DNAH12: variants seen among roughly 807,000 people sequenced by gnomAD.
DNAH12 encodes dynein axonemal heavy chain 12.
In DNAH12, 285 loss-of-function variants were observed where a neutral mutation model predicts 371.5. That is an observed-to-expected ratio of 0.77 (90% CI 0.70 to 0.85). DNAH12 has a LOEUF of 0.85. Among genes scored for constraint, DNAH12 ranks in the 40% least tolerant of loss-of-function variants. The pLI, the probability that DNAH12 is intolerant of heterozygous loss-of-function variation, is 0.00. For synonymous variants in DNAH12, 1,200 were observed against 1,213.0 expected (o/e 0.99, Z 0.22); for missense variants, 3,611 against 3,689.4 (o/e 0.98, Z 0.55).
intron 29 of DNAH12, among the ~76,000 whole-genome samples, chr3:57,439,974 G>A (rs1378287365): frequency 6.6e-6 from 1 of 152,174 alleles, no homozygotes; most frequent in Admixed American, 6.6e-5. Context: ...AAAATACAAT[G>A]AGATACCATC....
chr3:57,311,524 G>A (rs1206000154), intron 66 of DNAH12, among the ~76,000 whole-genome samples: 1 of 152,216 alleles, frequency 6.6e-6, no homozygotes, highest in Non-Finnish European at 1.5e-5. Flanking sequence ...GATAAACCTT[G>A]TTTTATGGCA....
At chr3:57,470,393 A>G in intron 16 of DNAH12, 50 bp downstream of exon 16, 2 of 1,459,940 alleles carry the variant, frequency 1.4e-6, no homozygotes. Flanking sequence ...TATATTTTAC[A>G]AATTATTTTC....
At chr3:57,459,529 T>C (rs1559684202) in intron 20 of DNAH12, 63 bp downstream of exon 20, 1 of 1,293,712 alleles carries the variant, frequency 7.7e-7, no homozygotes, top group Non-Finnish European at 1.0e-6. Context: ...AAAAGTCACA[T>C]GTTTTACTTA....
At chr3:57,472,892 A>G (rs2066408084) in intron 13 of DNAH12, among the ~76,000 whole-genome samples, 1 of 152,204 alleles carries the variant, frequency 6.6e-6, no homozygotes, top group South Asian at 2.1e-4. Context: ...TATGCTAGAA[A>G]TAAGGCTTTT....
chr3:57,331,134 T>C (rs2153303880), intron 62 of DNAH12, among the ~76,000 whole-genome samples: 1 of 152,304 alleles, frequency 6.6e-6, no homozygotes, highest in Middle Eastern at 3.4e-3. Context: ...CACAGTCTAG[T>C]GGGAGACCCT....
Position 57,462,890 on chromosome 3 carries a change from A to G in DNAH12, c.2350-15T>C, listed in dbSNP as rs1334098560. 4.6e-6 allele frequency: 7 copies of G among 1,535,062 alleles called. No individual in the cohort carries two copies. The highest frequency in any genetic ancestry group is 6.2e-6 in the Non-Finnish European group (7 of 1,134,290). ...GGAATATATTCCTAATGGCAAAAAT[A>G]TAAACAATTATGAGTCACTCATTTG... On this transcript the variant is annotated splice_polypyrimidine_tract_variant and intron_variant, in intron 17 of 73. Transcript: ENST00000495027.
intron 49 of DNAH12, among the ~76,000 whole-genome samples, chr3:57,384,092 G>A (rs940083): frequency 0.45 from 69,034 of 151,888 alleles, 16,648 homozygotes; most frequent in East Asian, 0.6. Flanking sequence ...GCTGTGCTTG[G>A]TGCAGTTGTT....
chr3:57,339,183 C>G (rs981365704), intron 60 of DNAH12, among the ~76,000 whole-genome samples: 1 of 152,062 alleles, frequency 6.6e-6, no homozygotes, highest in African/African-American at 2.4e-5. Flanking sequence ...AGGCAGCATG[C>G]TCGTTAAGAG....
chr3:57,499,624 T>C (rs1299136642), intron 11 of DNAH12, among the ~76,000 whole-genome samples: 1 of 17,534 alleles, frequency 5.7e-5, no homozygotes, highest in Non-Finnish European at 1.1e-4. Context: ...GGAGACACCA[T>C]CTCTACAAAA....
At chr3:57,402,340 T>C in intron 43 of DNAH12, 1 of 1,226,872 alleles carries the variant, frequency 8.2e-7, no homozygotes, top group South Asian at 1.4e-5. Context: ...ATCATCTCTC[T>C]GTTGGGGCTA....
intron 8 of DNAH12, 72 bp from the exon 9 acceptor site, chr3:57,504,276 A>T: frequency 5.5e-6 from 7 of 1,261,274 alleles, no homozygotes; most frequent in Non-Finnish European, 7.7e-6. Context: ...TAAACTGATT[A>T]TAATTGTCTA....
intron 30 of DNAH12, 123 bp downstream of exon 30, chr3:57,436,828 G>A: frequency 1.6e-6 from 1 of 612,926 alleles, no homozygotes; most frequent in East Asian, 3.3e-5. Context: ...GGGGGCCAGG[G>A]GGCGGGCGGG....
chr3:57,505,505 A>G (rs2067722332), intron 8 of DNAH12, among the ~76,000 whole-genome samples: 2 of 152,024 alleles, frequency 1.3e-5, no homozygotes, highest in African/African-American at 4.8e-5. Context: ...CAATGGCACG[A>G]TCTTGACTCA....
intron 2 of DNAH12, among the ~76,000 whole-genome samples, chr3:57,534,657 T>C (rs2068967528): frequency 6.6e-6 from 1 of 152,110 alleles, no homozygotes; most frequent in Middle Eastern, 3.4e-3. Flanking sequence ...TACAGGCATA[T>C]GCCACCATGC....
rs1170490495 is a variant in DNAH12, at chr3:57,379,842, C to CAAAA, written c.8082+432_8082+435dup. Among the ~76,000 whole-genome samples, 16 of 22,376 alleles carry CAAAA rather than the reference C, an allele frequency of 7.2e-4. 3 individuals are homozygous for CAAAA. Among genetic ancestry groups the CAAAA allele is most frequent in the African/African-American group, 1.8e-3 (14 of 7,714 alleles). 14.7% of individuals were successfully genotyped at this position (22,376 alleles called of 152,430 possible). A position where few individuals can be genotyped will look rare whatever the true frequency, so the allele number is the denominator to read the frequency against. On this transcript the variant is annotated intron_variant, in intron 51 of 73. Transcript: ENST00000495027. ...GGTGACAGAATGAGACTCTGTCTCC[C>CAAAA]AAAAAAAAAAAAAAAAAAAAAAAAA...
intron 43 of DNAH12, among the ~76,000 whole-genome samples, chr3:57,397,935 T>TA (rs1384838166): frequency 1.3e-5 from 2 of 151,900 alleles, no homozygotes; most frequent in African/African-American, 2.4e-5. Context: ...AGAAACAAAA[T>TA]AAAGCTCCAG....
chr3:57,508,838 A>C (rs2067875653), intron 6 of DNAH12, among the ~76,000 whole-genome samples: 1 of 152,150 alleles, frequency 6.6e-6, no homozygotes, highest in Admixed American at 6.5e-5. Context: ...TCCTGGTAAA[A>C]ATGAAAGAAC....
At chr3:57,456,512 A>G (rs1280619554) in intron 22 of DNAH12, among the ~76,000 whole-genome samples, 1 of 152,216 alleles carries the variant, frequency 6.6e-6, no homozygotes, top group African/African-American at 2.4e-5. Context: ...TGTAGTGCCA[A>G]GTGTTATCCT....
chr3:57,527,081 CCT>C (rs558240761), intron 2 of DNAH12, among the ~76,000 whole-genome samples: 2 of 152,082 alleles, frequency 1.3e-5, no homozygotes, highest in East Asian at 1.9e-4. Context: ...GTGATCTGCC[CCT>C]GTTTGCTATT....
Sources: gnomAD v4.1 joint callset for allele counts (sites outside exome capture counted in the v4.1 genomes callset) on GRCh38, gnomAD v4.1.1 for gene constraint, MANE v1.5 for transcripts, NCBI Gene and HGNC (gene_info 2026-07-23, HGNC 2026-07-21) for gene names.